HIVEP3: variants seen among roughly 807,000 people sequenced by gnomAD.
The protein encoded by HIVEP3 is HIVEP zinc finger 3.
Under a neutral mutation model 152.8 loss-of-function variants are expected in HIVEP3, and 49 were observed. The ratio of observed to expected loss-of-function variants is 0.32; its 90% CI spans 0.26 to 0.41. HIVEP3 has a LOEUF of 0.41. HIVEP3 is among the 10% of genes least tolerant of loss of function. The pLI is 1.00. For missense variants in HIVEP3, 2,790 were observed against 3,103.3 expected (o/e 0.90, Z 2.40); for synonymous variants, 1,269 against 1,289.0 (o/e 0.98, Z 0.33).
chr1:41,771,929 T>G (rs191184564), intron 1 of HIVEP3, among the ~76,000 whole-genome samples: 1 of 152,256 alleles, frequency 6.6e-6, no homozygotes, highest in African/African-American at 2.4e-5. Context: ...CCTCCAAAAG[T>G]GCTGGGATTA....
intron 1 of HIVEP3, among the ~76,000 whole-genome samples, chr1:41,840,740 C>A (rs1643263492): frequency 6.6e-6 from 1 of 152,198 alleles, no homozygotes; most frequent in Non-Finnish European, 1.5e-5. Flanking sequence ...CCTGGCCGTG[C>A]CAGCCAGCCA....
chr1:41,548,412 T>C (rs1643856755), intron 5 of HIVEP3, among the ~76,000 whole-genome samples: 1 of 152,268 alleles, frequency 6.6e-6, no homozygotes, highest in Non-Finnish European at 1.5e-5. Context: ...CCAGGTGCTC[T>C]GCAACCTCAG....
chr1:41,953,679 A>T (rs1378679365), intron 1 of HIVEP3, among the ~76,000 whole-genome samples: 1 of 152,198 alleles, frequency 6.6e-6, no homozygotes, highest in Non-Finnish European at 1.5e-5. Context: ...TGATCTGCCA[A>T]ATCTTCCCGA....
At chr1:41,528,441 T>C (rs1463379805) in intron 5 of HIVEP3, among the ~76,000 whole-genome samples, 5 of 50,314 alleles carry the variant, frequency 9.9e-5, no homozygotes, top group Non-Finnish European at 1.6e-4. Context: ...CAGACTCACA[T>C]CCCACCCTCA....
At chr1:41,868,256 T>C (rs1644017621) in intron 1 of HIVEP3, among the ~76,000 whole-genome samples, 1 of 151,828 alleles carries the variant, frequency 6.6e-6, no homozygotes, top group Admixed American at 6.6e-5. Flanking sequence ...AAATAGAGTC[T>C]GACTTCAGTG....
At chr1:41,796,312 C>T (rs1193807790) in intron 1 of HIVEP3, among the ~76,000 whole-genome samples, 6 of 152,208 alleles carry the variant, frequency 3.9e-5, no homozygotes, top group Non-Finnish European at 8.8e-5. Context: ...GGCCATCTGC[C>T]GGGACCACAC....
chr1:41,532,849 G>C (rs1355415562), intron 5 of HIVEP3, among the ~76,000 whole-genome samples: 3 of 152,168 alleles, frequency 2.0e-5, no homozygotes, highest in Admixed American at 2.0e-4. Flanking sequence ...TGTAGATTTG[G>C]GAGGAGGATG....
intron 6 of HIVEP3, among the ~76,000 whole-genome samples, chr1:41,524,223 G>A (rs960959786): frequency 6.6e-6 from 1 of 152,198 alleles, no homozygotes; most frequent in African/African-American, 2.4e-5. Flanking sequence ...GAAGCTGGGT[G>A]GAGCAGGGGC....
chr1:41,909,585 T>C (rs758632982), intron 1 of HIVEP3, among the ~76,000 whole-genome samples: 3 of 151,948 alleles, frequency 2.0e-5, no homozygotes, highest in African/African-American at 2.4e-5. Flanking sequence ...CAAACATCAG[T>C]AATGATATAA....
At chr1:41,818,992 T>G (rs1642503987) in intron 1 of HIVEP3, among the ~76,000 whole-genome samples, 1 of 152,220 alleles carries the variant, frequency 6.6e-6, no homozygotes, top group Admixed American at 6.5e-5. Context: ...AAGGAGGCAG[T>G]GTGGAGGTAT....
At chr1:41,901,871 C>T (rs372017455) in intron 1 of HIVEP3, among the ~76,000 whole-genome samples, 1 of 152,208 alleles carries the variant, frequency 6.6e-6, no homozygotes, top group Non-Finnish European at 1.5e-5. Flanking sequence ...TCTTTGTTTA[C>T]TTGTGAATTG....
intron 2 of HIVEP3, among the ~76,000 whole-genome samples, chr1:41,657,781 G>A (rs185311303): frequency 3.3e-5 from 5 of 152,306 alleles, no homozygotes; most frequent in East Asian, 1.9e-4. Flanking sequence ...TATAAACTCC[G>A]GTCTGTGGGA....
intron 1 of HIVEP3, among the ~76,000 whole-genome samples, chr1:41,926,854 C>T (rs116045469): frequency 0.022 from 3,307 of 152,272 alleles, 70 homozygotes; most frequent in Non-Finnish European, 0.026. Context: ...AATATGGATG[C>T]TTCCAAGTTG....
chr1:41,678,668 C>G (rs1645993694), intron 2 of HIVEP3, among the ~76,000 whole-genome samples: 1 of 152,142 alleles, frequency 6.6e-6, no homozygotes, highest in Non-Finnish European at 1.5e-5. Context: ...AACCCCAGCC[C>G]CCTTGGGCCT....
intron 1 of HIVEP3, among the ~76,000 whole-genome samples, chr1:41,991,889 G>A (rs1274472395): frequency 8.0e-6 from 1 of 125,462 alleles, no homozygotes; most frequent in Non-Finnish European, 1.6e-5. Flanking sequence ...CAGAGCCAAA[G>A]ACAAAAACCA....
chr1:41,978,605 CTG>C (rs1645275611), intron 1 of HIVEP3, among the ~76,000 whole-genome samples: 1 of 152,182 alleles, frequency 6.6e-6, no homozygotes, highest in Non-Finnish European at 1.5e-5. Flanking sequence ...GCCACCCAGT[CTG>C]TGGTATTTTA....
chr1:41,582,209 C>A lies in HIVEP3; in HGVS notation c.2589G>T (p.Glu863Asp), dbSNP rs1379684331. Reference protein sequence around the residue: ...IQVPEILVTEEPDRPDTEPEP... With the variant: ...IQVPEILVTEDPDRPDTEPEP... ...CTGGCTCTGTGTCCGGCCGGTCAGGCTCCTCAGTTACTAGGATCTCAGGAA... is the reference window on the plus strand; with the variant it reads ...CTGGCTCTGTGTCCGGCCGGTCAGGATCCTCAGTTACTAGGATCTCAGGAA... Residue 863 changes from glutamate (E) to aspartate (D), a missense_variant, in exon 4 of 9, where the codon GAG becomes GAT. Around this residue, in one of 9 missense-constraint regions of HIVEP3, gnomAD observed 1,078 missense variants for 1,165.3 expected, o/e 0.93. Coordinates refer to ENST00000372583, the MANE Select transcript of HIVEP3 (RefSeq NM_024503.5). This position sits in a 1 kb window ranked among gnomAD's most constrained non-coding sequence, Gnocchi z 4.7. 1.9e-6 allele frequency: 3 copies of A among 1,613,906 alleles called. No individual in the cohort carries two copies. The highest frequency in any genetic ancestry group is 2.5e-6 in the Non-Finnish European group (3 of 1,179,966).
In HIVEP3 at chr1:41,581,582, T is replaced by C. The variant is rs1168832805; in HGVS notation, c.3216A>G (p.Pro1072=). 6.2e-7 allele frequency: 1 copy of C among 1,613,184 alleles called. No individual in the cohort carries two copies. Among genetic ancestry groups the C allele is most frequent in the Non-Finnish European group, 8.5e-7 (1 of 1,179,644 alleles). The change falls in exon 4 of 9, where the codon CCA becomes CCG. Residue 1072 remains proline (P), a synonymous_variant. Transcript: ENST00000372583. This position sits in a 1 kb window ranked among gnomAD's most constrained non-coding sequence, Gnocchi z 4.5. The stretch of plus-strand genomic sequence containing the variant: ...CAGAGGGTTTACTGGATGAGGGCTG[T>C]GGTTCTTCGCTCTCCTGTCTTCCCT... ...APKGRQESEE[P]QPSSSKPSAK...
rs570713722 is a variant in HIVEP3 at position 41,640,347 on chromosome 1, G to A, written c.-720-11400C>T. Among the ~76,000 whole-genome samples the A allele has an allele frequency of 7.2e-5, 11 of 152,220 alleles. No individual in the cohort carries two copies. In the South Asian group the frequency reaches 1.2e-3, roughly 17 times the overall value. On this transcript the variant is annotated intron_variant, in intron 2 of 8. Coordinates refer to ENST00000372583, the MANE Select transcript of HIVEP3 (RefSeq NM_024503.5). Reference sequence around the variant, plus strand: ...TTCCTGCTATATCAGGCCACACCTCGCAGCCCTCTGTCACAGAAAGCCCCC... The same window carrying A: ...TTCCTGCTATATCAGGCCACACCTCACAGCCCTCTGTCACAGAAAGCCCCC...
Sources: gnomAD v4.1 joint callset for allele counts (sites outside exome capture counted in the v4.1 genomes callset) on GRCh38, gnomAD v4.1.1 for gene constraint, gnomAD v4.1.1 regional missense constraint, Gnocchi (gnomAD v3.1) non-coding constraint, MANE v1.5 for transcripts, NCBI Gene and HGNC (gene_info 2026-07-23, HGNC 2026-07-21) for gene names.